CAMSAP3: variants seen among roughly 807,000 people sequenced by gnomAD.
CAMSAP3 encodes calmodulin regulated spectrin associated protein family member 3.
A neutral mutation model predicts 112.5 loss-of-function variants in CAMSAP3; 34 were observed. The observed-to-expected ratio is 0.30, with a 90% CI of 0.23 to 0.40. The LOEUF is 0.40. CAMSAP3 is among the 10% of genes least tolerant of loss of function. The pLI is 1.00. For synonymous variants in CAMSAP3, 868 were observed against 799.8 expected (o/e 1.09, Z -1.44); for missense variants, 1,602 against 1,770.3 (o/e 0.90, Z 1.71).
chr19:7,610,834 G>A lies in CAMSAP3; in HGVS notation c.994+41G>A, dbSNP rs1216153547. On this transcript the variant is annotated intron_variant, in intron 7 of 16. Coordinates refer to ENST00000160298, the MANE Select transcript of CAMSAP3 (RefSeq NM_020902.2). This position sits in a 1 kb window ranked among gnomAD's most constrained non-coding sequence, Gnocchi z 4.9. Reference sequence around the variant, plus strand: ...CCTGGGGGCCGGGTCGGGGGCGGGTGGGAGAGCCAAACCCCCGCCTGACCC... The same window carrying A: ...CCTGGGGGCCGGGTCGGGGGCGGGTAGGAGAGCCAAACCCCCGCCTGACCC... The A allele has an allele frequency of 3.2e-5, 51 of 1,609,912 alleles. No individual in the cohort carries two copies. The highest frequency in any genetic ancestry group is 4.1e-5 in the Non-Finnish European group (48 of 1,179,268).
chr19:7,608,191 C>T lies in CAMSAP3; in HGVS notation c.687C>T (p.Leu229=). ...CCTGCTTCCCGACGGTGACCAGCCT[C>T]CAGGACCTGGCCAGTGGGGCCGCGC... is the stretch of plus-strand genomic sequence containing the variant. ...RAPCFPTVTS[L]QDLASGAALA... is the part of the protein sequence containing the mutation. Residue 229 remains leucine, a synonymous_variant, in exon 5 of 17, where the codon CTC becomes CTT. Coordinates refer to ENST00000160298, the MANE Select transcript of CAMSAP3 (RefSeq NM_020902.2). The T allele has an allele frequency of 6.2e-7, 1 of 1,612,760 alleles. No homozygotes were observed. The highest frequency in any genetic ancestry group is 8.5e-7 in the Non-Finnish European group (1 of 1,179,968).
At chr19:7,613,495 CT>C (rs2030619673) in intron 11 of CAMSAP3, among the ~76,000 whole-genome samples, 2 of 150,160 alleles carry the variant, frequency 1.3e-5, no homozygotes, top group Non-Finnish European at 3.0e-5. Flanking sequence ...GTGAGAGGTC[CT>C]CCCCCTGTGG....
In CAMSAP3 at chr19:7,615,077, A is replaced by C; in HGVS notation, c.2671-106A>C. The C allele has an allele frequency of 7.2e-7, 1 of 1,387,804 alleles. No homozygotes were observed. The highest frequency in any genetic ancestry group is 1.0e-6 in the Non-Finnish European group (1 of 1,001,824). The allele number at this position is 1,387,804 out of a possible 1,614,324, so 86.0% of individuals were successfully genotyped here. On this transcript the variant is annotated intron_variant, in intron 11 of 16. Coordinates refer to ENST00000160298, the MANE Select transcript of CAMSAP3 (RefSeq NM_020902.2). The surrounding 1 kb of genome is among the most constrained non-coding windows in gnomAD (Gnocchi z 6.5). The stretch of plus-strand genomic sequence containing the variant: ...ACTAAGTGCATTTAGAACAATGATG[A>C]AAACAAAAGCACAGGTGGGTGGCGG...
intron 2 of CAMSAP3, 31 bp downstream of exon 2, chr19:7,605,510 C>G (rs1264463529): frequency 6.9e-7 from 1 of 1,441,550 alleles, no homozygotes; most frequent in East Asian, 2.6e-5. Context: ...TTAGACCACG[C>G]CTACCATGCT....
Position 7,616,619 on chromosome 19 carries a change from C to G in CAMSAP3, c.3209C>G (p.Ser1070Cys). 1 of 1,604,808 alleles carries G rather than the reference C, an allele frequency of 6.2e-7. No homozygotes were observed. Among genetic ancestry groups the G allele is most frequent in the Non-Finnish European group, 8.5e-7 (1 of 1,177,850 alleles). The change falls in exon 14 of 17, where the codon TCT becomes TGT. Residue 1070 changes from serine (S) to cysteine (C), a missense_variant. Physicochemically the swap from Ser to Cys is moderately radical, Grantham distance 112 (BLOSUM62 -1). Transcript: ENST00000160298. ...AACCTCGGGGTGAAGAGGCCCACGTCTCGGTGAGTTTAGCCCGCACAGGCG... is the reference window on the plus strand; with the variant it reads ...AACCTCGGGGTGAAGAGGCCCACGTGTCGGTGAGTTTAGCCCGCACAGGCG... ...HNNLGVKRPT[S>C]RAPSPSGLMS...
rs2030403266 is a variant in CAMSAP3, at chr19:7,610,185, G to T, written c.761-291G>T. Among the ~76,000 whole-genome samples, 1 of 152,010 alleles carries T rather than the reference G, an allele frequency of 6.6e-6. No homozygotes were observed. The highest frequency in any genetic ancestry group is 1.5e-5 in the Non-Finnish European group (1 of 68,006). ...CACAAAAAATTAGCCTGGTGTTGTG[G>T]CACACTCCTGTAATCCCAGCTACTC... On this transcript the variant is annotated intron_variant, in intron 5 of 16. Coordinates refer to ENST00000160298, the MANE Select transcript of CAMSAP3 (RefSeq NM_020902.2). The surrounding 1 kb of genome is among the most constrained non-coding windows in gnomAD (Gnocchi z 4.9).
At chr19:7,616,026 T>C (rs1179718067) in intron 13 of CAMSAP3, among the ~76,000 whole-genome samples, 1 of 150,374 alleles carries the variant, frequency 6.7e-6, no homozygotes, top group African/African-American at 2.4e-5. Flanking sequence ...CCCATCTCTA[T>C]TAAAAATACA....
chr19:7,617,251 G>A lies in CAMSAP3; in HGVS notation c.3213-75G>A. On this transcript the variant is annotated intron_variant, in intron 14 of 16. Transcript: ENST00000160298. This position sits in a 1 kb window ranked among gnomAD's most constrained non-coding sequence, Gnocchi z 7.5. ...ATTTTCCTTGGCCCCTCTGCACATA[G>A]GGAAGCTTCCCATCTCTGACCCCAC... is the stretch of plus-strand genomic sequence containing the variant. 9.6e-7 allele frequency: 1 copy of A among 1,043,560 alleles called. No homozygotes were observed. The highest frequency in any genetic ancestry group is 1.5e-6 in the Non-Finnish European group (1 of 664,018). The allele number at this position is 1,043,560 out of a possible 1,614,324, so 64.6% of individuals were successfully genotyped here. A position where few individuals can be genotyped will look rare whatever the true frequency, so the allele number is the denominator to read the frequency against.
intron 1 of CAMSAP3, 52 bp from the exon 2 acceptor site, chr19:7,605,174 G>GTGTGTGTGTGTGTGTGTGTGTGTGT: frequency 7.8e-7 from 1 of 1,287,080 alleles, no homozygotes; most frequent in Non-Finnish European, 1.1e-6. Context: ...GTGTGTGTGT[G>GTGTGTGTGTGTGTGTGTGTGTGTGT]TGTTGTATCT....
rs1238335949 is a variant in CAMSAP3 at position 7,610,347 on chromosome 19, G to A, written c.761-129G>A. The stretch of plus-strand genomic sequence containing the variant: ...AAAAAAAAAAAAGAATTCACCTCTC[G>A]AAGGGCACCTGGCAGAAGCTGGGCT... On this transcript the variant is annotated intron_variant, in intron 5 of 16. Coordinates refer to ENST00000160298, the MANE Select transcript of CAMSAP3 (RefSeq NM_020902.2). This position sits in a 1 kb window ranked among gnomAD's most constrained non-coding sequence, Gnocchi z 4.9. The A allele has an allele frequency of 4.3e-5, 32 of 736,530 alleles. No individual in the cohort carries two copies. Among genetic ancestry groups the A allele is most frequent in the Non-Finnish European group, 6.0e-5 (27 of 450,920 alleles). The allele number at this position is 736,530 out of a possible 1,614,324, so 45.6% of individuals were successfully genotyped here. A position where few individuals can be genotyped will look rare whatever the true frequency, so the allele number is the denominator to read the frequency against.
Position 7,606,499 on chromosome 19 carries a change from G to C in CAMSAP3, c.549G>C (p.Lys183Asn). 1 of 1,572,424 alleles carries C rather than the reference G, an allele frequency of 6.4e-7. No individual in the cohort carries two copies. Among genetic ancestry groups the C allele is most frequent in the Non-Finnish European group, 8.6e-7 (1 of 1,167,016 alleles). ...VDTTVRRLQE[K>N]TEQEAAQRAS... Reference sequence around the variant, plus strand: ...AGACCGTCCGGCGGCTGCAGGAGAAGACCGAGCAGGAAGCGGCCCAGCGAG... The same window carrying C: ...AGACCGTCCGGCGGCTGCAGGAGAACACCGAGCAGGAAGCGGCCCAGCGAG... The change falls in exon 4 of 17, where the codon AAG (lysine) becomes AAC (asparagine). Residue 183 changes from lysine to asparagine, a missense_variant. Around this residue, in one of 6 missense-constraint regions of CAMSAP3, gnomAD observed 112 missense variants for 94.2 expected, o/e 1.19. Transcript: ENST00000160298.
In CAMSAP3 at chr19:7,606,487, G is replaced by A. The variant is rs760664908; in HGVS notation, c.537G>A (p.Arg179=). The stretch of plus-strand genomic sequence containing the variant: ...TCCCTGCCCTCCAGACCGTCCGGCG[G>A]CTGCAGGAGAAGACCGAGCAGGAAG... The part of the protein sequence containing the change: ...LLFWVDTTVR[R]LQEKTEQEAA... The change falls in exon 4 of 17, where the codon CGG becomes CGA. Residue 179 remains arginine (R), a synonymous_variant. Transcript: ENST00000160298. 2 of 1,587,022 alleles carry A rather than the reference G, an allele frequency of 1.3e-6. No individual in the cohort carries two copies. The highest frequency in any genetic ancestry group is 2.2e-5 in the South Asian group (2 of 89,232).
chr19:7,601,285 C>T (rs181013705), intron 1 of CAMSAP3, among the ~76,000 whole-genome samples: 65 of 152,206 alleles, frequency 4.3e-4, no homozygotes, highest in African/African-American at 1.3e-3. Context: ...GGAAACTTGA[C>T]GGCTCATTGG....
chr19:7,614,426 A>G (rs2030675696), intron 11 of CAMSAP3, among the ~76,000 whole-genome samples: 1 of 149,002 alleles, frequency 6.7e-6, no homozygotes, highest in Non-Finnish European at 1.5e-5. Flanking sequence ...GGTTCACTGC[A>G]ACCTCCACCT....
chr19:7,610,114 C>G lies in CAMSAP3; in HGVS notation c.761-362C>G, dbSNP rs577148181. The stretch of plus-strand genomic sequence containing the variant: ...CGGCCGGATCATGAAGTCAGGAGAT[C>G]GAGACCATCCTGGCTAACACGGTGA... On this transcript the variant is annotated intron_variant, in intron 5 of 16. Coordinates refer to ENST00000160298, the MANE Select transcript of CAMSAP3 (RefSeq NM_020902.2). This position sits in a 1 kb window ranked among gnomAD's most constrained non-coding sequence, Gnocchi z 4.9. Among the ~76,000 whole-genome samples, 10 of 151,958 alleles carry G rather than the reference C, an allele frequency of 6.6e-5. No homozygotes were observed. Among genetic ancestry groups the G allele is most frequent in the Admixed American group, 5.9e-4 (9 of 15,246 alleles).
chr19:7,607,826 A>T lies in CAMSAP3; in HGVS notation c.622-300A>T. 7.5e-7 allele frequency: 1 copy of T among 1,332,720 alleles called. No individual in the cohort carries two copies. The highest frequency in any genetic ancestry group is 1.0e-6 in the Non-Finnish European group (1 of 991,202). The allele number at this position is 1,332,720 out of a possible 1,614,324, so 82.6% of individuals were successfully genotyped here. A position where few individuals can be genotyped will look rare whatever the true frequency, so the allele number is the denominator to read the frequency against. ...GGCTGCTCCTCTCCCCCCAGCACGC[A>T]ATTGCCTTCTGTTTGAAGGAGTCGG... On this transcript the variant is annotated intron_variant, in intron 4 of 16. Transcript: ENST00000160298. This position sits in a 1 kb window ranked among gnomAD's most constrained non-coding sequence, Gnocchi z 4.9.
chr19:7,614,259 C>CA (rs1173068955), intron 11 of CAMSAP3, among the ~76,000 whole-genome samples: 908 of 18,648 alleles, frequency 0.049, 133 homozygotes, highest in African/African-American at 0.068. Context: ...GACTCCATCT[C>CA]AAAAAAAAAA....
chr19:7,612,077 AC>A lies in CAMSAP3; in HGVS notation c.1586del (p.Pro529HisfsTer34), dbSNP rs1568445629. On this transcript the variant is annotated frameshift_variant, in exon 11 of 17. Coordinates refer to ENST00000160298, the MANE Select transcript of CAMSAP3 (RefSeq NM_020902.2). LOFTEE classifies it high-confidence loss of function. The stretch of plus-strand genomic sequence containing the variant: ...TGCCACACCCCGAGACCCCCTCGAA[AC>A]CATCTCCCTGTCTGGTGGGGGAGGC... ...YMPHPETPSKPSPCLVGEASK... is the reference protein window; with the variant it reads ...YMPHPETPSKXSPCLVGEASK... The A allele has an allele frequency of 6.2e-7, 1 of 1,608,706 alleles. No individual in the cohort carries two copies. Among genetic ancestry groups the A allele is most frequent in the East Asian group, 2.2e-5 (1 of 44,736 alleles).
chr19:7,615,238 GGCA>G lies in CAMSAP3; in HGVS notation c.2732_2734del (p.Gln911del). The G allele has an allele frequency of 6.4e-7, 1 of 1,551,700 alleles. No individual in the cohort carries two copies. Among genetic ancestry groups the G allele is most frequent in the East Asian group, 2.4e-5 (1 of 41,202 alleles). On this transcript the variant is annotated inframe_deletion, in exon 12 of 17. Coordinates refer to ENST00000160298, the MANE Select transcript of CAMSAP3 (RefSeq NM_020902.2). The surrounding 1 kb of genome is among the most constrained non-coding windows in gnomAD (Gnocchi z 6.5). ...CAAAAGCGGGCCAGCCTGCTGGAGC[GGCA>G]GCAGCGGCGAGCAGAGGAGGCGCGG... is the stretch of plus-strand genomic sequence containing the variant.
Sources: gnomAD v4.1 joint callset for allele counts (sites outside exome capture counted in the v4.1 genomes callset) on GRCh38, gnomAD v4.1.1 for gene constraint, gnomAD v4.1.1 regional missense constraint, Gnocchi (gnomAD v3.1) non-coding constraint, MANE v1.5 for transcripts, NCBI Gene and HGNC (gene_info 2026-07-23, HGNC 2026-07-21) for gene names.